The following NFIB variants were observed in gnomAD, a reference collection of about 807,000 sequenced individuals.
NFIB encodes nuclear factor 1 B-type.
In NFIB, 11 loss-of-function variants were observed where a neutral mutation model predicts 61.5. The observed-to-expected ratio is 0.18, with a 90% CI of 0.11 to 0.30. NFIB has a LOEUF of 0.30. Among genes scored for constraint, NFIB ranks in the 10% least tolerant of loss-of-function variants. The pLI, the probability that NFIB is intolerant of heterozygous loss-of-function variation, is 1.00. For synonymous variants in NFIB, 260 were observed against 216.5 expected, an observed-to-expected ratio of 1.20 and a Z score of -1.76; for missense variants, 471 against 608.9, an observed-to-expected ratio of 0.77 and a Z score of 2.38.
At chr9:14,242,013 G>A (rs1040878524) in intron 2 of NFIB, among the ~76,000 whole-genome samples, 4 of 152,080 alleles carry the variant, frequency 2.6e-5, no homozygotes, top group Non-Finnish European at 5.9e-5. Context: ...AGAAGAATTT[G>A]TTTGAAAAGG....
At chr9:14,443,815 T>C in the NFIB span, among the ~76,000 whole-genome samples, 11 of 152,228 alleles carry the variant, frequency 7.2e-5, no homozygotes, top group South Asian at 4.1e-4. Context: ...GACTTACAGA[T>C]GTGGACATAT....
intron 2 of NFIB, among the ~76,000 whole-genome samples, chr9:14,247,756 A>G (rs1440863808): frequency 1.3e-5 from 2 of 152,192 alleles, no homozygotes; most frequent in Non-Finnish European, 2.9e-5. Flanking sequence ...CATACAGTCA[A>G]GACTCAGTAA....
At chr9:14,526,530 T>C in the NFIB span, among the ~76,000 whole-genome samples, 1 of 152,198 alleles carries the variant, frequency 6.6e-6, no homozygotes, top group Non-Finnish European at 1.5e-5. Flanking sequence ...TGAATATCAA[T>C]ATCCTGACTT....
intron 1 of NFIB, among the ~76,000 whole-genome samples, chr9:14,389,752 C>T (rs888001459): frequency 3.9e-5 from 6 of 152,038 alleles, no homozygotes; most frequent in African/African-American, 1.4e-4. Flanking sequence ...CATTTCCACC[C>T]CCAAAGACTC....
At chr9:14,265,669 T>C (rs1446283303) in intron 2 of NFIB, among the ~76,000 whole-genome samples, 1 of 152,206 alleles carries the variant, frequency 6.6e-6, no homozygotes, top group Non-Finnish European at 1.5e-5. Context: ...ACCATATCCC[T>C]CTCTCTGAGA....
intron 2 of NFIB, among the ~76,000 whole-genome samples, chr9:14,263,004 T>A (rs1328180874): frequency 6.6e-6 from 1 of 152,122 alleles, no homozygotes; most frequent in Non-Finnish European, 1.5e-5. Flanking sequence ...TCTAAAACTG[T>A]GAAACACTAG....
the NFIB span, among the ~76,000 whole-genome samples, chr9:14,417,961 T>A: frequency 5.3e-5 from 8 of 152,022 alleles, no homozygotes; most frequent in African/African-American, 1.9e-4. Context: ...GTACTTTTAG[T>A]AGAGATGGGG....
intron 1 of NFIB, among the ~76,000 whole-genome samples, chr9:14,336,161 T>C (rs1355016443): frequency 6.6e-6 from 1 of 152,238 alleles, no homozygotes; most frequent in Non-Finnish European, 1.5e-5. Flanking sequence ...CTTCTGGTAT[T>C]TTGTCTTGTT....
At chr9:14,524,040 G>A in the NFIB span, among the ~76,000 whole-genome samples, 2 of 152,156 alleles carry the variant, frequency 1.3e-5, no homozygotes, top group Admixed American at 1.3e-4. Context: ...CAGAACTTGA[G>A]TGCTCATTGG....
In NFIB at chr9:14,319,997, A is replaced by C. The variant is rs570467573; in HGVS notation, c.109-12477T>G. ...GAAATTTTAACTACACAAGCCAATAAATTTCAAAGCAGTAATATTATCAAA... is the reference window on the plus strand; with the variant it reads ...GAAATTTTAACTACACAAGCCAATACATTTCAAAGCAGTAATATTATCAAA... On this transcript the variant is annotated intron_variant, in intron 1 of 8. Coordinates refer to the NFIB transcript ENST00000380934. Among the ~76,000 whole-genome samples, 3 of 152,376 alleles carry C rather than the reference A, an allele frequency of 2.0e-5. No homozygotes were observed. The South Asian group carries it at 6.2e-4, about 32-fold the overall frequency.
rs977478028 is a variant in NFIB, at chr9:14,228,482, A to C, written c.563-48702T>G. On this transcript the variant is annotated intron_variant, in intron 2 of 10. Transcript: ENST00000380953. ...AAGCCTCCCAGAACCGCATCCGGCC[A>C]CGATTCTTAATAGTAATTCCCACAT... 3.3e-5 allele frequency among the ~76,000 whole-genome samples: 5 copies of C among 152,126 alleles called. No individual in the cohort carries two copies. The South Asian group carries it at 1.0e-3, about 32-fold the overall frequency.
the NFIB span, among the ~76,000 whole-genome samples, chr9:14,413,465 C>T: frequency 6.6e-6 from 1 of 152,040 alleles, no homozygotes; most frequent in Admixed American, 6.6e-5. Flanking sequence ...TTTCAGATCC[C>T]TTATTGGTTA....
At chr9:14,177,022 C>G (rs115713119) in intron 3 of NFIB, among the ~76,000 whole-genome samples, 1,852 of 152,242 alleles carry the variant, frequency 0.012, 38 homozygotes, top group African/African-American at 0.042. Context: ...GGAAAACTAC[C>G]AGTGATAAGA....
chr9:14,516,191 T>G, the NFIB span, among the ~76,000 whole-genome samples: 1 of 152,204 alleles, frequency 6.6e-6, no homozygotes, highest in Non-Finnish European at 1.5e-5. Context: ...AAATGCCAAA[T>G]GACTGGCCCT....
chr9:14,516,199 C>T, the NFIB span, among the ~76,000 whole-genome samples: 2 of 152,134 alleles, frequency 1.3e-5, no homozygotes, highest in Non-Finnish European at 2.9e-5. Context: ...AATGACTGGC[C>T]CTGGAAATTG....
chr9:14,521,260 A>C, the NFIB span, among the ~76,000 whole-genome samples: 1 of 152,210 alleles, frequency 6.6e-6, no homozygotes, highest in East Asian at 1.9e-4. Flanking sequence ...ATCCAGAATA[A>C]GGTTCTGTCC....
At chr9:14,351,648 T>C (rs2061114166) in intron 1 of NFIB, among the ~76,000 whole-genome samples, 1 of 152,226 alleles carries the variant, frequency 6.6e-6, no homozygotes. Flanking sequence ...CTGTCTATCC[T>C]AGATGACAAC....
At chr9:14,416,616 A>G in the NFIB span, among the ~76,000 whole-genome samples, 1 of 152,184 alleles carries the variant, frequency 6.6e-6, no homozygotes, top group Admixed American at 6.5e-5. Context: ...TTTAAGCTGC[A>G]TTATTACTAA....
chr9:14,382,411 T>C (rs2061499627), intron 1 of NFIB, among the ~76,000 whole-genome samples: 1 of 152,086 alleles, frequency 6.6e-6, no homozygotes, highest in Non-Finnish European at 1.5e-5. Context: ...TTCTTATTTA[T>C]TTGGAAGATG....
Sources: gnomAD v4.1 joint callset for allele counts (sites outside exome capture counted in the v4.1 genomes callset) on GRCh38, gnomAD v4.1.1 for gene constraint, MANE v1.5 for transcripts, NCBI Gene and HGNC (gene_info 2026-07-23, HGNC 2026-07-21) for gene names.